Variants in LRFN2 observed in about 807,000 individuals in gnomAD.
LRFN2 encodes leucine rich repeat and fibronectin type III domain containing 2.
Under a neutral mutation model 37.3 loss-of-function variants are expected in LRFN2, and 18 were observed. That is an observed-to-expected ratio of 0.48 (90% confidence interval 0.33 to 0.72). LRFN2 has a LOEUF of 0.72. LRFN2 is among the 30% of genes least tolerant of loss of function. The pLI is 0.02. For synonymous variants in LRFN2, 556 were observed against 466.6 expected (o/e 1.19, Z -2.47); for missense variants, 1,006 against 1,060.7 (o/e 0.95, Z 0.72).
At chr6:40,530,978 A>T (rs889276604) in intron 1 of LRFN2, among the ~76,000 whole-genome samples, 2 of 152,208 alleles carry the variant, frequency 1.3e-5, no homozygotes, top group African/African-American at 4.8e-5. Context: ...GGGAACATTT[A>T]AAAAAGCATG....
Position 40,391,714 on chromosome 6 carries a change from G to T in LRFN2, c.*229C>A. On this transcript the variant is annotated 3_prime_UTR_variant, in exon 3 of 3. Coordinates refer to ENST00000338305, the MANE Select transcript of LRFN2 (RefSeq NM_020737.3). ...AGTCTCGCCTTTCCAAACACTCAGGGCTCAGTCCGGCATTTGAGCGAGTCC... is the reference window on the plus strand; with the variant it reads ...AGTCTCGCCTTTCCAAACACTCAGGTCTCAGTCCGGCATTTGAGCGAGTCC... 1 of 425,754 alleles carries T rather than the reference G, an allele frequency of 2.3e-6. No individual in the cohort carries two copies. The highest frequency in any genetic ancestry group is 4.1e-6 in the Non-Finnish European group (1 of 243,734). The allele number at this position is 425,754 out of a possible 1,614,324, so 26.4% of individuals were successfully genotyped here.
intron 1 of LRFN2, among the ~76,000 whole-genome samples, chr6:40,447,713 G>A (rs1764004067): frequency 6.6e-6 from 1 of 152,152 alleles, no homozygotes; most frequent in African/African-American, 2.4e-5. Flanking sequence ...TATGAAGTGG[G>A]TGTGGTAGTT....
At chr6:40,398,120 T>G (rs2113794497) in intron 2 of LRFN2, among the ~76,000 whole-genome samples, 1 of 152,022 alleles carries the variant, frequency 6.6e-6, no homozygotes. Flanking sequence ...TCACCACTGT[T>G]GACACTTTGG....
Position 40,416,349 on chromosome 6 carries a change from T to TG in LRFN2, c.1400+15364dup, listed in dbSNP as rs1763091917. Among the ~76,000 whole-genome samples, 4 of 126,302 alleles carry TG rather than the reference T, an allele frequency of 3.2e-5. No homozygotes were observed. In the South Asian group the frequency reaches 1.0e-3, roughly 32 times the overall value. The allele number at this position is 126,302 out of a possible 152,430, so 82.9% of individuals were successfully genotyped here. ...TTTAGCCAGTGGCACCCAACAGTGG[T>TG]GGGGGCTTTCTTGTTTCTGGCAATT... On this transcript the variant is annotated intron_variant, in intron 2 of 2. Coordinates refer to ENST00000338305, the MANE Select transcript of LRFN2 (RefSeq NM_020737.3).
chr6:40,551,067 G>A (rs78094905), intron 1 of LRFN2, among the ~76,000 whole-genome samples: 1,959 of 152,146 alleles, frequency 0.013, 16 homozygotes, highest in Non-Finnish European at 0.023. Flanking sequence ...GTAAACCAAC[G>A]CAAGGATGGA....
chr6:40,486,993 G>A (rs73432631), intron 1 of LRFN2, among the ~76,000 whole-genome samples: 6,433 of 152,150 alleles, frequency 0.042, 423 homozygotes, highest in African/African-American at 0.15. Flanking sequence ...AGGAAATGTG[G>A]TTCAGAGGGG....
In LRFN2 at chr6:40,515,015, C is replaced by T. The variant is rs111946974; in HGVS notation, c.-19+71926G>A. Among the ~76,000 whole-genome samples, 902 of 152,340 alleles carry T rather than the reference C, an allele frequency of 5.9e-3. 3 individuals carry two copies. The highest frequency in any genetic ancestry group is 0.02 in the African/African-American group (847 of 41,570). ...GACTGCCTGGCCTGCAGCAGGTGAA[C>T]GCAGCAGTCCTGGTCACTCTCTAGT... On this transcript the variant is annotated intron_variant, in intron 1 of 2. Coordinates refer to ENST00000338305, the MANE Select transcript of LRFN2 (RefSeq NM_020737.3).
At chr6:40,533,246 T>C (rs1766382368) in intron 1 of LRFN2, among the ~76,000 whole-genome samples, 1 of 152,124 alleles carries the variant, frequency 6.6e-6, no homozygotes, top group Non-Finnish European at 1.5e-5. Flanking sequence ...TTCCCTTGAC[T>C]GGAAGAAATA....
chr6:40,519,176 C>T (rs868471287), intron 1 of LRFN2, among the ~76,000 whole-genome samples: 9 of 152,208 alleles, frequency 5.9e-5, no homozygotes, highest in African/African-American at 2.2e-4. Flanking sequence ...CAGTTTAGAA[C>T]AGTGTCCAAC....
intron 1 of LRFN2, among the ~76,000 whole-genome samples, chr6:40,491,179 A>G (rs1765085342): frequency 6.6e-6 from 1 of 152,190 alleles, no homozygotes; most frequent in Non-Finnish European, 1.5e-5. Flanking sequence ...ACATACCGTC[A>G]CCACGGATGC....
chr6:40,467,206 G>GT lies in LRFN2; in HGVS notation c.-18-34076_-18-34075insA, dbSNP rs1561867406. The stretch of plus-strand genomic sequence containing the variant: ...TGATGATGATGATGATGATGATGAT[G>GT]ATGTGTGTGTGTGTGTTTCAAAAAT... On this transcript the variant is annotated intron_variant, in intron 1 of 2. Coordinates refer to ENST00000338305, the MANE Select transcript of LRFN2 (RefSeq NM_020737.3). 1.5e-3 allele frequency among the ~76,000 whole-genome samples: 142 copies of GT among 92,294 alleles called. 2 individuals carry two copies. Among genetic ancestry groups the GT allele is most frequent in the African/African-American group, 4.9e-3 (140 of 28,574 alleles). 60.5% of individuals were successfully genotyped at this position (92,294 alleles called of 152,430 possible).
chr6:40,493,021 C>T (rs1411068909), intron 1 of LRFN2, among the ~76,000 whole-genome samples: 1 of 151,984 alleles, frequency 6.6e-6, no homozygotes, highest in Non-Finnish European at 1.5e-5. Context: ...AGGACTGAGG[C>T]ACAGGAGCTC....
At position 40,434,769 on chromosome 6, in the gene LRFN2, T is replaced by C. The variant is rs924609465; in HGVS notation, c.-18-1638A>G. 2.6e-5 allele frequency among the ~76,000 whole-genome samples: 4 copies of C among 151,676 alleles called. No homozygotes were observed. The East Asian group carries it at 7.8e-4, about 30-fold the overall frequency. ...CTGGGATTACAAGCGTGAGCCACCG[T>C]GCCCAGCCCCTCAAATTGCCTGCTA... On this transcript the variant is annotated intron_variant, in intron 1 of 2. Coordinates refer to ENST00000338305, the MANE Select transcript of LRFN2 (RefSeq NM_020737.3).
chr6:40,418,077 A>T (rs770682960), intron 2 of LRFN2, among the ~76,000 whole-genome samples: 2 of 152,202 alleles, frequency 1.3e-5, no homozygotes, highest in Admixed American at 6.5e-5. Context: ...CCGAGGCCTC[A>T]TCATGGCCAG....
intron 2 of LRFN2, among the ~76,000 whole-genome samples, chr6:40,403,173 G>A (rs903526016): frequency 6.6e-6 from 1 of 152,200 alleles, no homozygotes; most frequent in African/African-American, 2.4e-5. Context: ...GTCCTCTGGA[G>A]CCGGTGTCTC....
chr6:40,539,873 T>C (rs1322744511), intron 1 of LRFN2, among the ~76,000 whole-genome samples: 5 of 152,182 alleles, frequency 3.3e-5, no homozygotes, highest in Admixed American at 3.3e-4. Context: ...ATCGATGTCA[T>C]GATTCCTGAC....
At chr6:40,395,925 T>C (rs1157190015) in intron 2 of LRFN2, among the ~76,000 whole-genome samples, 1 of 152,200 alleles carries the variant, frequency 6.6e-6, no homozygotes, top group Non-Finnish European at 1.5e-5. Flanking sequence ...GAATACCTGT[T>C]GTGTAACATA....
At chr6:40,497,771 T>C (rs1398157624) in intron 1 of LRFN2, among the ~76,000 whole-genome samples, 1 of 152,046 alleles carries the variant, frequency 6.6e-6, no homozygotes, top group South Asian at 2.1e-4. Context: ...TTCCCCAGGA[T>C]TGATGCATGG....
chr6:40,412,926 G>A (rs540694624), intron 2 of LRFN2, among the ~76,000 whole-genome samples: 69 of 152,336 alleles, frequency 4.5e-4, no homozygotes, highest in Non-Finnish European at 8.2e-4. Flanking sequence ...TAAGTGGGTG[G>A]TCAGGCATCA....
Sources: allele counts gnomAD v4.1 joint callset (sites outside exome capture counted in the v4.1 genomes callset), GRCh38; gene constraint gnomAD v4.1.1; transcripts MANE v1.5; gene names NCBI Gene and HGNC (gene_info 2026-07-23, HGNC 2026-07-21).